Variants in LRP1 observed in about 807,000 individuals in gnomAD.
LRP1 encodes the protein LDL receptor related protein 1, also known as prolow-density lipoprotein receptor-related protein 1.
Under a neutral mutation model 541.5 loss-of-function variants are expected in LRP1, and 51 were observed. The ratio of observed to expected loss-of-function variants is 0.09; its 90% CI spans 0.08 to 0.12. The LOEUF is 0.12. Ranked by LOEUF, LRP1 falls within the 10% of genes least tolerant of loss-of-function variation. LRP1 has a pLI of 1.00. For synonymous variants in LRP1, 2,219 were observed against 2,470.8 expected (o/e 0.90, Z 3.02); for missense variants, 3,878 against 6,376.2 (o/e 0.61, Z 13.34).
At chr12:57,153,718 A>G (rs1051244336) in intron 6 of LRP1, among the ~76,000 whole-genome samples, 8 of 151,990 alleles carry the variant, frequency 5.3e-5, no homozygotes, top group Admixed American at 4.6e-4. Context: ...TTTTCTCCCA[A>G]ACTGGGTTTA....
In LRP1 at chr12:57,179,863, A is replaced by C; in HGVS notation, c.5048A>C (p.Gln1683Pro). The change falls in exon 30 of 89, where the codon CAG (glutamine) becomes CCG (proline). Residue 1683 changes from glutamine (Q) to proline (P), a missense_variant. By Grantham distance (76) the Gln-to-Pro change is moderately conservative (BLOSUM62 -1). Transcript: ENST00000243077. The surrounding 1 kb of genome is among the most constrained non-coding windows in gnomAD (Gnocchi z 6.8). ...ACAAGCTATGACACCAATAAGAAGC[A>C]GATCAATGTGGCCCGGCTGGATGGC... is the stretch of plus-strand genomic sequence containing the variant. ...FWTSYDTNKK[Q>P]INVARLDGSF... The C allele has an allele frequency of 1.2e-6, 2 of 1,614,180 alleles. No individual in the cohort carries two copies. The highest frequency in any genetic ancestry group is 1.7e-6 in the Non-Finnish European group (2 of 1,180,048).
chr12:57,152,487 C>T (rs2035544722), intron 6 of LRP1, among the ~76,000 whole-genome samples: 1 of 152,262 alleles, frequency 6.6e-6, no homozygotes, highest in South Asian at 2.1e-4. Context: ...ACTTCGATTT[C>T]CTTTGGAGGC....
chr12:57,157,058 G>A, intron 10 of LRP1, 138 bp downstream of exon 10: 1 of 1,097,670 alleles, frequency 9.1e-7, no homozygotes, highest in Non-Finnish European at 1.2e-6. Context: ...GCTAGTGAGG[G>A]CAGAGATGGG....
At chr12:57,200,255 T>C (rs1333372767) in intron 62 of LRP1, 187 bp from the exon 63 acceptor site, 5 of 645,544 alleles carry the variant, frequency 7.7e-6, no homozygotes, top group Non-Finnish European at 1.1e-5. Flanking sequence ...CATGCTTCAG[T>C]GCTGCCTTCC....
rs768155034 is a variant in LRP1 at position 57,190,864 on chromosome 12, C to T, written c.7091C>T (p.Ser2364Leu). The change falls in exon 43 of 89, where the codon TCG becomes TTG. Residue 2364 changes from serine to leucine, a missense_variant. Ser to Leu is a moderately radical substitution (Grantham distance 145). Around this residue, in one of 13 missense-constraint regions of LRP1, gnomAD observed 1,100 missense variants for 1,827.4 expected, o/e 0.60. Transcript: ENST00000243077. ...QHPSIMRAAL[S>L]GANVLTLIEK... ...CCCAGCATCATGCGGGCGGCGCTCT[C>T]GGGAGCCAATGTCCTGACCCTTATC... is the stretch of plus-strand genomic sequence containing the variant. 1 of 1,614,000 alleles carries T rather than the reference C, an allele frequency of 6.2e-7. No homozygotes were observed.
chr12:57,194,949 C>T (rs772312315), intron 50 of LRP1, 36 bp from the exon 51 acceptor site: 2 of 1,558,004 alleles, frequency 1.3e-6, no homozygotes, highest in Non-Finnish European at 1.8e-6. Flanking sequence ...TGACCCCCAC[C>T]CTTCCCCATC....
rs370171921 is a variant in LRP1 at position 57,187,299 on chromosome 12, C to T, written c.6874C>T (p.Arg2292Cys). 24 of 1,614,010 alleles carry T rather than the reference C, an allele frequency of 1.5e-5. No individual in the cohort carries two copies. The highest frequency in any genetic ancestry group is 9.3e-5 in the African/African-American group (7 of 75,056). ...VGSVEGLAYH[R>C]GWDTLYWTSY... ...CTCCGTGGAAGGCCTGGCCTATCACCGTGGCTGGGACACTCTCTATTGGAC... is the reference window on the plus strand; with the variant it reads ...CTCCGTGGAAGGCCTGGCCTATCACTGTGGCTGGGACACTCTCTATTGGAC... Residue 2292 changes from arginine to cysteine, a missense_variant, in exon 42 of 89, where the codon CGT (arginine) becomes TGT (cysteine). Physicochemically the swap from Arg to Cys is radical, Grantham distance 180. Transcript: ENST00000243077.
In LRP1 at chr12:57,179,290, G is replaced by A. The variant is rs1299373190; in HGVS notation, c.4739-39G>A. Reference sequence around the variant, plus strand: ...AAACCGGATTGGTGGGAAGCACAGAGGCAGGGACTGCCTTCAGTGACCAGC... The same window carrying A: ...AAACCGGATTGGTGGGAAGCACAGAAGCAGGGACTGCCTTCAGTGACCAGC... On this transcript the variant is annotated intron_variant, in intron 28 of 88. Transcript: ENST00000243077. This position sits in a 1 kb window ranked among gnomAD's most constrained non-coding sequence, Gnocchi z 6.8. 2 of 1,486,314 alleles carry A rather than the reference G, an allele frequency of 1.3e-6. No individual in the cohort carries two copies. The highest frequency in any genetic ancestry group is 1.9e-6 in the Non-Finnish European group (2 of 1,068,830). 92.1% of individuals were successfully genotyped at this position (1,486,314 alleles called of 1,614,324 possible).
chr12:57,208,148 G>A lies in LRP1; in HGVS notation c.11970G>A (p.Glu3990=), dbSNP rs759174470. Residue 3990 remains glutamate (E), a synonymous_variant, in exon 77 of 89, where the codon GAG becomes GAA. Transcript: ENST00000243077. ...TTGAGGTGGCGCAGATGAAGGGCGA[G>A]AACCGCAAGACGCTCATCTCGGGCA... The part of the protein sequence containing the change: ...DVIEVAQMKG[E]NRKTLISGMI... The A allele has an allele frequency of 6.2e-7, 1 of 1,614,188 alleles. No homozygotes were observed. Among genetic ancestry groups the A allele is most frequent in the Non-Finnish European group, 8.5e-7 (1 of 1,180,050 alleles).
chr12:57,160,985 T>C lies in LRP1; in HGVS notation c.2072T>C (p.Ile691Thr), dbSNP rs771878144. 6 of 1,613,766 alleles carry C rather than the reference T, an allele frequency of 3.7e-6. No homozygotes were observed. The highest frequency in any genetic ancestry group is 5.1e-6 in the Non-Finnish European group (6 of 1,180,008). Residue 691 changes from isoleucine (I) to threonine (T), a missense_variant, in exon 13 of 89, where the codon ATC becomes ACC. This residue lies in a region of LRP1 where 496 missense variants were observed against 861.0 expected (regional missense o/e 0.58). Coordinates refer to ENST00000243077, the MANE Select transcript of LRP1 (RefSeq NM_002332.3). ...RAWMDGSHRD[I>T]FVTSKTVLWP... ...TGGATGGATGGCTCACACCGAGACA[T>C]CTTTGTCACCTCCAAGACAGTGCTT...
In LRP1 at chr12:57,175,713, A is replaced by G. The variant is rs200203760; in HGVS notation, c.3793+8A>G. On this transcript the variant is annotated splice_region_variant and intron_variant, in intron 23 of 88. Transcript: ENST00000243077. Reference sequence around the variant, plus strand: ...AGAGCTGCCGCAGCCTGGGTGAGACAACAGTGAGGTGTGGTGGGGCAGGCC... The same window carrying G: ...AGAGCTGCCGCAGCCTGGGTGAGACGACAGTGAGGTGTGGTGGGGCAGGCC... 1.2e-4 allele frequency: 191 copies of G among 1,562,124 alleles called. No homozygotes were observed. The African/African-American group carries it at 2.4e-3, about 20-fold the overall frequency.
At chr12:57,192,373 A>C (rs1287990301) in intron 44 of LRP1, among the ~76,000 whole-genome samples, 5 of 151,974 alleles carry the variant, frequency 3.3e-5, no homozygotes, top group Non-Finnish European at 7.4e-5. Flanking sequence ...GGGCTCATCC[A>C]TGCCCTCGGT....
chr12:57,141,536 C>A, intron 3 of LRP1, 25 bp downstream of exon 3: 1 of 1,614,008 alleles, frequency 6.2e-7, no homozygotes, highest in Non-Finnish European at 8.5e-7. Context: ...ACTCTCTACT[C>A]TCCCGTCTGG....
In LRP1 at chr12:57,128,485, T is replaced by G; in HGVS notation, c.-480T>G. ...CCCCCATCAGCCCCCCCCTCGGCAC[T>G]TCAGTCCGGGGAACAGCGGTGCGAG... On this transcript the variant is annotated 5_prime_UTR_variant, in exon 1 of 89. Transcript: ENST00000243077. The G allele has an allele frequency of 1.7e-5, 2 of 120,442 alleles. No individual in the cohort carries two copies. The highest frequency in any genetic ancestry group is 1.7e-5 in the Non-Finnish European group (1 of 60,174). 7.5% of individuals were successfully genotyped at this position (120,442 alleles called of 1,614,324 possible).
chr12:57,180,371 A>G lies in LRP1; in HGVS notation c.5278A>G (p.Ser1760Gly). 1 of 1,614,154 alleles carries G rather than the reference A, an allele frequency of 6.2e-7. No individual in the cohort carries two copies. The highest frequency in any genetic ancestry group is 8.5e-7 in the Non-Finnish European group (1 of 1,180,038). The change falls in exon 32 of 89, where the codon AGC (serine) becomes GGC (glycine). Residue 1760 changes from serine to glycine, a missense_variant. Coordinates refer to ENST00000243077, the MANE Select transcript of LRP1 (RefSeq NM_002332.3). ...CCCTGAAAGCAAACTCTACTGGATC[A>G]GCTCCGGGAACCATACCATCAACCG... ...DFPESKLYWI[S>G]SGNHTINRCN...
At position 57,197,255 on chromosome 12, in the gene LRP1, C is replaced by G. The variant is rs200898536; in HGVS notation, c.9077-44C>G. 1.2e-6 allele frequency: 2 copies of G among 1,612,316 alleles called. No individual in the cohort carries two copies. The highest frequency in any genetic ancestry group is 1.7e-5 in the Admixed American group (1 of 60,030). On this transcript the variant is annotated intron_variant, in intron 56 of 88. Coordinates refer to ENST00000243077, the MANE Select transcript of LRP1 (RefSeq NM_002332.3). The surrounding 1 kb of genome is among the most constrained non-coding windows in gnomAD (Gnocchi z 4.5). ...CTCCAGACAGGCAGGAGACCAGGGC[C>G]GCTAGAATGTGCCAGGAGCTGAGGC...
Position 57,179,158 on chromosome 12 carries a change from T to C in LRP1, c.4738+137T>C, listed in dbSNP as rs1592636029. 1 of 1,331,196 alleles carries C rather than the reference T, an allele frequency of 7.5e-7. No individual in the cohort carries two copies. The highest frequency in any genetic ancestry group is 1.5e-5 in the African/African-American group (1 of 67,996). The allele number at this position is 1,331,196 out of a possible 1,614,324, so 82.5% of individuals were successfully genotyped here. A position where few individuals can be genotyped will look rare whatever the true frequency, so the allele number is the denominator to read the frequency against. On this transcript the variant is annotated intron_variant, in intron 28 of 88. Transcript: ENST00000243077. This position sits in a 1 kb window ranked among gnomAD's most constrained non-coding sequence, Gnocchi z 6.8. The stretch of plus-strand genomic sequence containing the variant: ...TAGGAGAGGCTCCAGAGACAGCCAC[T>C]GTGAGAAGGGGCTGCAGGTCTGCCA...
In LRP1 at chr12:57,143,739, G is replaced by C; in HGVS notation, c.389G>C (p.Gly130Ala). The C allele has an allele frequency of 6.2e-7, 1 of 1,614,150 alleles. No homozygotes were observed. The highest frequency in any genetic ancestry group is 8.5e-7 in the Non-Finnish European group (1 of 1,180,008). ...CQHHCVPTLD[G>A]PTCYCNSSFQ... ...CACCATTGTGTCCCCACACTCGATG[G>C]GCCCACCTGCTACTGCAACAGCAGC... The change falls in exon 4 of 89, where the codon GGG (glycine) becomes GCG (alanine). Residue 130 changes from glycine to alanine, a missense_variant. By Grantham distance (60) the Gly-to-Ala change is moderately conservative (BLOSUM62 0). This residue lies in a region of LRP1 where 293 missense variants were observed against 403.7 expected (regional missense o/e 0.73). Coordinates refer to ENST00000243077, the MANE Select transcript of LRP1 (RefSeq NM_002332.3).
intron 44 of LRP1, 130 bp downstream of exon 44, chr12:57,191,642 TACTAC>T: frequency 2.8e-6 from 2 of 709,022 alleles, no homozygotes; most frequent in Non-Finnish European, 4.3e-6. Flanking sequence ...ATCCCACACA[TACTAC>T]ACTACACACA....
Sources: allele counts gnomAD v4.1 joint callset (sites outside exome capture counted in the v4.1 genomes callset), GRCh38; gene constraint gnomAD v4.1.1; regional missense constraint gnomAD v4.1.1; non-coding constraint Gnocchi (gnomAD v3.1); transcripts MANE v1.5; gene names NCBI Gene and HGNC (gene_info 2026-07-23, HGNC 2026-07-21).